Variants in TMEM230 observed in about 807,000 individuals in gnomAD.
The protein encoded by TMEM230 is UPF0414 transmembrane protein C20orf30.
Under a neutral mutation model 15.8 loss-of-function variants are expected in TMEM230, and 10 were observed. The observed-to-expected ratio is 0.63, with a 90% CI of 0.39 to 1.07. TMEM230 has a LOEUF of 1.07. Ranked by LOEUF, TMEM230 falls within the 50% of genes least tolerant of loss-of-function variation. The pLI is 0.01. For missense variants in TMEM230, 165 were observed against 193.3 expected, an observed-to-expected ratio of 0.85 and a Z score of 0.87; for synonymous variants, 67 against 76.9, an observed-to-expected ratio of 0.87 and a Z score of 0.68.
intron 3 of TMEM230, among the ~76,000 whole-genome samples, chr20:5,107,811 C>T (rs1011208515): frequency 2.4e-4 from 30 of 123,140 alleles, no homozygotes; most frequent in Non-Finnish European, 4.1e-4. Flanking sequence ...AAGACCCTGT[C>T]TCAAAAAAAA....
downstream of TMEM230, among the ~76,000 whole-genome samples, chr20:5,094,969 C>T (rs1282900372): frequency 1.3e-5 from 2 of 152,134 alleles, no homozygotes; most frequent in East Asian, 3.8e-4. Flanking sequence ...GGCAAAGGGG[C>T]ACTGCTTTTC....
chr20:5,100,678 T>A lies in TMEM230; in HGVS notation c.*113A>T, dbSNP rs564919857. On this transcript the variant is annotated 3_prime_UTR_variant, in exon 5 of 5. Transcript: ENST00000342308. ...GGACCCAAAAAATCTGGCCATTATT[T>A]TCTTAAACATCTGCAAGCTGCAGAA... 6.7e-7 allele frequency: 1 copy of A among 1,494,284 alleles called. No individual in the cohort carries two copies. The highest frequency in any genetic ancestry group is 1.4e-5 in the South Asian group (1 of 72,202). 92.6% of individuals were successfully genotyped at this position (1,494,284 alleles called of 1,614,324 possible).
At chr20:5,111,491 C>A in intron 2 of TMEM230, 2 of 195,606 alleles carry the variant, frequency 1.0e-5, no homozygotes, top group Non-Finnish European at 1.1e-5. Context: ...TGCCTGTAGT[C>A]CCACCTACTC....
rs757823544 is a variant in TMEM230 at position 5,113,056 on chromosome 20, C to T, written c.-28G>A. 6 of 1,542,268 alleles carry T rather than the reference C, an allele frequency of 3.9e-6. No individual in the cohort carries two copies. The highest frequency in any genetic ancestry group is 5.2e-6 in the Non-Finnish European group (6 of 1,146,190). On this transcript the variant is annotated 5_prime_UTR_variant, in exon 1 of 5. Transcript: ENST00000342308. ...CATGGCCCGCTTAAGTGCCACTCAG[C>T]CGGCCCCAGGCGGGATCAGTGCGCC... is the stretch of plus-strand genomic sequence containing the variant.
chr20:5,103,426 T>C (rs1352512975), intron 4 of TMEM230, among the ~76,000 whole-genome samples: 1 of 151,914 alleles, frequency 6.6e-6, no homozygotes, highest in African/African-American at 2.4e-5. Flanking sequence ...ATCACACCAC[T>C]GTACTCCTGG....
chr20:5,104,737 G>A (rs1389270628), intron 4 of TMEM230, among the ~76,000 whole-genome samples: 1 of 152,144 alleles, frequency 6.6e-6, no homozygotes, highest in Non-Finnish European at 1.5e-5. Flanking sequence ...GGATGAAACT[G>A]GAGAACGTTA....
downstream of TMEM230, among the ~76,000 whole-genome samples, chr20:5,065,187 G>A (rs1361836891): frequency 6.6e-6 from 1 of 152,064 alleles, no homozygotes. Flanking sequence ...GGGAGGCCGA[G>A]GTGGGAAAGA....
chr20:5,069,617 C>A (rs1185056634), intron 3 of TMEM230, among the ~76,000 whole-genome samples: 1 of 152,158 alleles, frequency 6.6e-6, no homozygotes, highest in Non-Finnish European at 1.5e-5. Context: ...TGCTGCAATG[C>A]ATTTCAAGGG....
At chr20:5,069,095 ACAAT>A (rs2088741957) in exon 4 of TMEM230, 6 of 1,076,424 alleles carry the variant, frequency 5.6e-6, no homozygotes, top group East Asian at 2.6e-5. Context: ...GCTGCATTTT[ACAAT>A]CAGTCATTTT....
At chr20:5,085,987 G>A (rs539884255) in intron 3 of TMEM230, among the ~76,000 whole-genome samples, 3 of 152,278 alleles carry the variant, frequency 2.0e-5, no homozygotes, top group Admixed American at 6.5e-5. Flanking sequence ...AGATGCCCAC[G>A]TCATGCTTCT....
At chr20:5,106,078 AACACACACACACACAC>A (rs61087830) in intron 4 of TMEM230, 94 bp downstream of exon 3, 40 of 551,084 alleles carry the variant, frequency 7.3e-5, no homozygotes, top group Admixed American at 1.0e-4. Context: ...GGGACGGACA[AACACACACACACACAC>A]ACACACACAC....
At chr20:5,065,827 C>T (rs894304167), downstream of TMEM230, among the ~76,000 whole-genome samples, 1 of 152,194 alleles carries the variant, frequency 6.6e-6, no homozygotes, top group East Asian at 1.9e-4. Flanking sequence ...ACGCCCCTGC[C>T]ATGCCAAACA....
At chr20:5,099,216 AAATAAATAAATAAATAAATCAATCAATC>A (rs1348789780), downstream of TMEM230, among the ~76,000 whole-genome samples, 20 of 91,288 alleles carry the variant, frequency 2.2e-4, no homozygotes, top group South Asian at 2.6e-3. Flanking sequence ...ATAAATAAAT[AAATAAATAAATAAATAAATCAATCAATC>A]AATAATAAAT....
chr20:5,097,104 T>A (rs116076364), downstream of TMEM230, among the ~76,000 whole-genome samples: 738 of 152,270 alleles, frequency 4.8e-3, 9 homozygotes, highest in African/African-American at 0.017. Flanking sequence ...AACTTGGGGA[T>A]AGGTGGTCAG....
rs6053121 is a variant in TMEM230, at chr20:5,112,894, C to T, written c.68+67G>A. ...CGGAGCTTGATTTCGGCGGGGAGCG[C>T]GGTCTCGGACACGCCCAGAGCCCGA... is the stretch of plus-strand genomic sequence containing the variant. On this transcript the variant is annotated intron_variant, in intron 1 of 4. Transcript: ENST00000342308. 3,761 of 1,548,054 alleles carry T rather than the reference C, an allele frequency of 2.4e-3. 46 individuals are homozygous for T. Among genetic ancestry groups the T allele is most frequent in the African/African-American group, 0.023 (1,717 of 73,144 alleles).
At chr20:5,068,941 A>G (rs969724572) in exon 4 of TMEM230, 1 of 425,044 alleles carries the variant, frequency 2.4e-6, no homozygotes, top group African/African-American at 2.1e-5. Flanking sequence ...AGGTGGGGCC[A>G]TGGGGAGTGG....
At chr20:5,093,226 C>T (rs956811937) in intron 3 of TMEM230, among the ~76,000 whole-genome samples, 3 of 152,094 alleles carry the variant, frequency 2.0e-5, no homozygotes, top group Non-Finnish European at 2.9e-5. Context: ...AATAAGAAAA[C>T]CTCCATTTTA....
At chr20:5,099,691 C>T, downstream of TMEM230, 1 of 255,726 alleles carries the variant, frequency 3.9e-6, no homozygotes, top group Non-Finnish European at 6.1e-6. Context: ...AGCCTTGCAA[C>T]TCAGCTGATG....
Position 5,100,088 on chromosome 20 carries a change from A to G in TMEM230, c.*703T>C. On this transcript the variant is annotated 3_prime_UTR_variant, in exon 5 of 5. Transcript: ENST00000342308. ...ACATGTTTCATTAGGAAACAGCCAA[A>G]AGTCCGGCCGTTAAAGGAATAATCT... 1.0e-6 allele frequency: 1 copy of G among 985,434 alleles called. No individual in the cohort carries two copies. Among genetic ancestry groups the G allele is most frequent in the Non-Finnish European group, 1.2e-6 (1 of 829,946 alleles). The allele number at this position is 985,434 out of a possible 1,614,324, so 61.0% of individuals were successfully genotyped here. A position where few individuals can be genotyped will look rare whatever the true frequency, so the allele number is the denominator to read the frequency against.
Sources: gnomAD v4.1 joint callset for allele counts (sites outside exome capture counted in the v4.1 genomes callset) on GRCh38, gnomAD v4.1.1 for gene constraint, MANE v1.5 for transcripts, NCBI Gene and HGNC (gene_info 2026-07-23, HGNC 2026-07-21) for gene names.